PRELID2: variants seen among roughly 807,000 people sequenced by gnomAD.
PRELID2 encodes the protein PRELI domain-containing protein 2.
Under a neutral mutation model 28.4 loss-of-function variants are expected in PRELID2, and 25 were observed. That is an observed-to-expected ratio of 0.88 (90% CI 0.64 to 1.23). PRELID2 has a LOEUF of 1.23. Among genes scored for constraint, PRELID2 ranks in the 50% most tolerant of loss-of-function variants. The pLI, the probability that PRELID2 is intolerant of heterozygous loss-of-function variation, is 0.00. For synonymous variants in PRELID2, 76 were observed against 71.6 expected (o/e 1.06, Z -0.31); for missense variants, 201 against 214.4 (o/e 0.94, Z 0.39).
Position 145,638,176 on chromosome 5 carries a change from A to T in PRELID2, n.70+126755T>A, listed in dbSNP as rs140758365. Among the ~76,000 whole-genome samples the T allele has an allele frequency of 2.3e-3, 354 of 152,108 alleles. 3 individuals carry two copies. Among genetic ancestry groups the T allele is most frequent in the African/African-American group, 8.1e-3 (337 of 41,538 alleles). On this transcript the variant is annotated intron_variant and non_coding_transcript_variant, in intron 1 of 2. Transcript: ENST00000510259. ...TGCTAGTACTATTATTGATATTGGT[A>T]CTACTACTACTACCAGTACTATTAA...
At chr5:145,735,228 G>C (rs1756462504) in intron 1 of PRELID2, among the ~76,000 whole-genome samples, 1 of 145,798 alleles carries the variant, frequency 6.9e-6, no homozygotes, top group South Asian at 2.2e-4. Flanking sequence ...CCGGGCGACA[G>C]TGTGAGTCTC....
chr5:145,506,611 T>C (rs995251857), intron 1 of PRELID2, among the ~76,000 whole-genome samples: 1 of 152,128 alleles, frequency 6.6e-6, no homozygotes, highest in Admixed American at 6.6e-5. Context: ...GAACTTCCCA[T>C]TGGCCAAAAC....
the PRELID2 span, among the ~76,000 whole-genome samples, chr5:145,414,674 T>C: frequency 2.0e-5 from 3 of 152,220 alleles, no homozygotes; most frequent in Non-Finnish European, 4.4e-5. Flanking sequence ...AAAACTGACC[T>C]GGCAGAATTG....
At chr5:145,574,456 G>A (rs552916732) in intron 1 of PRELID2, among the ~76,000 whole-genome samples, 2 of 152,258 alleles carry the variant, frequency 1.3e-5, no homozygotes, top group East Asian at 3.9e-4. Context: ...CCCTCCAAAC[G>A]TAACCCTCTA....
intron 1 of PRELID2, among the ~76,000 whole-genome samples, chr5:145,581,218 C>T (rs145101576): frequency 6.6e-4 from 101 of 152,160 alleles, no homozygotes; most frequent in African/African-American, 2.4e-3. Flanking sequence ...CATTCCCAAA[C>T]CATCTTCTAC....
chr5:145,720,076 A>G (rs964827802), intron 1 of PRELID2, among the ~76,000 whole-genome samples: 2 of 151,990 alleles, frequency 1.3e-5, no homozygotes, highest in Admixed American at 1.3e-4. Flanking sequence ...TAAAACATTA[A>G]AAGGGTCTAA....
chr5:145,258,994 C>A, the PRELID2 span, among the ~76,000 whole-genome samples: 1 of 152,166 alleles, frequency 6.6e-6, no homozygotes, highest in Admixed American at 6.6e-5. Flanking sequence ...ACTCCAGCTC[C>A]AGTCCAGGCT....
the PRELID2 span, among the ~76,000 whole-genome samples, chr5:145,465,153 T>C: frequency 6.6e-6 from 1 of 152,090 alleles, no homozygotes; most frequent in Non-Finnish European, 1.5e-5. Flanking sequence ...CTACTTTATA[T>C]TGAAATTAAT....
intron 1 of PRELID2, among the ~76,000 whole-genome samples, chr5:145,723,409 T>A (rs955943305): frequency 2.6e-5 from 4 of 152,092 alleles, no homozygotes; most frequent in Non-Finnish European, 4.4e-5. Flanking sequence ...AGTAATTACA[T>A]GGAGATGGGA....
chr5:145,342,855 G>A, the PRELID2 span, among the ~76,000 whole-genome samples: 1 of 140,286 alleles, frequency 7.1e-6, no homozygotes, highest in Non-Finnish European at 1.5e-5. Context: ...AAGTGAGCAA[G>A]AGTAGCTATA....
chr5:145,407,752 A>C, the PRELID2 span, among the ~76,000 whole-genome samples: 23 of 152,320 alleles, frequency 1.5e-4, no homozygotes, highest in South Asian at 2.1e-3. Context: ...CAAAGGAGAA[A>C]ACAACAGCTA....
At chr5:145,372,011 C>A in the PRELID2 span, among the ~76,000 whole-genome samples, 1 of 151,640 alleles carries the variant, frequency 6.6e-6, no homozygotes, top group South Asian at 2.1e-4. Flanking sequence ...TTTGTTCTTG[C>A]CTCTCTAGCT....
intron 1 of PRELID2, among the ~76,000 whole-genome samples, chr5:145,478,459 G>A (rs1752127381): frequency 6.6e-6 from 1 of 152,022 alleles, no homozygotes; most frequent in African/African-American, 2.4e-5. Context: ...CCTGAGGCAG[G>A]AGAATCGCTT....
the PRELID2 span, among the ~76,000 whole-genome samples, chr5:145,351,438 AACTC>A: frequency 8.5e-5 from 13 of 152,098 alleles, no homozygotes; most frequent in African/African-American, 3.1e-4. Flanking sequence ...ATCTTGCGAG[AACTC>A]ACTCACTATC....
chr5:145,721,769 C>T (rs1446153793), intron 1 of PRELID2, among the ~76,000 whole-genome samples: 1 of 151,976 alleles, frequency 6.6e-6, no homozygotes, highest in African/African-American at 2.4e-5. Flanking sequence ...ACAGACATAA[C>T]AGGAAATAGA....
Position 145,820,018 on chromosome 5 carries a change from T to A in PRELID2, c.134A>T (p.Asp45Val), listed in dbSNP as rs200960328. 1 of 1,570,504 alleles carries A rather than the reference T, an allele frequency of 6.4e-7. No homozygotes were observed. The highest frequency in any genetic ancestry group is 1.9e-5 in the Admixed American group (1 of 53,830). Residue 45 changes from aspartate to valine, a missense_variant and splice_region_variant, in exon 3 of 7, where the codon GAT becomes GTT. Coordinates refer to ENST00000683046, the MANE Select transcript of PRELID2 (RefSeq NM_205846.3). Reference sequence around the variant, plus strand: ...TCTGTAGATGACCCCTGTTGATTCATCTAAAAAAGAAATTTTTTTACACAA... The same window carrying A: ...TCTGTAGATGACCCCTGTTGATTCAACTAAAAAAGAAATTTTTTTACACAA... ...ISVKIMEEKRDESTGVIYRKR... is the reference protein window; with the variant it reads ...ISVKIMEEKRVESTGVIYRKR...
chr5:145,496,000 T>C (rs1194010725), intron 1 of PRELID2, among the ~76,000 whole-genome samples: 1 of 152,212 alleles, frequency 6.6e-6, no homozygotes, highest in Non-Finnish European at 1.5e-5. Flanking sequence ...TTCACAGCTT[T>C]AGCTCAGATA....
intron 1 of PRELID2, among the ~76,000 whole-genome samples, chr5:145,547,373 T>C (rs962732238): frequency 6.6e-6 from 1 of 152,142 alleles, no homozygotes; most frequent in Non-Finnish European, 1.5e-5. Flanking sequence ...TACTCAAAGA[T>C]TATCCACATG....
chr5:145,727,496 A>G (rs1283141232), intron 1 of PRELID2, among the ~76,000 whole-genome samples: 2 of 152,092 alleles, frequency 1.3e-5, no homozygotes, highest in African/African-American at 2.4e-5. Context: ...TCCTCTCAAC[A>G]TGCCCCCCTT....
Sources: allele counts gnomAD v4.1 joint callset (sites outside exome capture counted in the v4.1 genomes callset), GRCh38; gene constraint gnomAD v4.1.1; transcripts MANE v1.5; gene names NCBI Gene and HGNC (gene_info 2026-07-23, HGNC 2026-07-21).